CNTN5: variants seen among roughly 807,000 people sequenced by gnomAD.
The protein encoded by CNTN5 is contactin-5.
Under a neutral mutation model 129.1 loss-of-function variants are expected in CNTN5, and 77 were observed. That is an observed-to-expected ratio of 0.60 (90% CI 0.50 to 0.72). The LOEUF is 0.72. CNTN5 is among the 30% of genes least tolerant of loss of function. The probability of loss-of-function intolerance (pLI) is 0.00; values close to 1 mark genes in which losing one functional copy is unlikely to be tolerated. For synonymous variants in CNTN5, 509 were observed against 465.6 expected (o/e 1.09, Z -1.20); for missense variants, 1,478 against 1,328.8 (o/e 1.11, Z -1.75).
At chr11:99,242,647 T>C (rs991420964) in intron 1 of CNTN5, among the ~76,000 whole-genome samples, 1 of 152,106 alleles carries the variant, frequency 6.6e-6, no homozygotes, top group Admixed American at 6.5e-5. Flanking sequence ...TCCTCCCAAC[T>C]CTGGTAGTAC....
At chr11:99,545,319 G>C (rs1388249404) in intron 2 of CNTN5, among the ~76,000 whole-genome samples, 1 of 152,142 alleles carries the variant, frequency 6.6e-6, no homozygotes, top group African/African-American at 2.4e-5. Flanking sequence ...TAGCCCTGTG[G>C]TTTCGACTGC....
At chr11:99,789,084 A>C (rs923765894) in intron 3 of CNTN5, among the ~76,000 whole-genome samples, 5 of 151,948 alleles carry the variant, frequency 3.3e-5, no homozygotes, top group African/African-American at 1.2e-4. Flanking sequence ...CAAACAAAAA[A>C]AAATTATAAG....
At chr11:99,860,645 A>G (rs971397674) in intron 6 of CNTN5, among the ~76,000 whole-genome samples, 2 of 152,074 alleles carry the variant, frequency 1.3e-5, no homozygotes, top group Non-Finnish European at 2.9e-5. Context: ...TGTGTTCTCT[A>G]TTCTGTTCCA....
chr11:100,308,502 G>A (rs377366779), intron 21 of CNTN5, 34 bp downstream of exon 21: 1 of 1,583,706 alleles, frequency 6.3e-7, no homozygotes. Flanking sequence ...AAGCCTTATT[G>A]TTTCTTCTGA....
chr11:99,338,433 T>G (rs1185807625), intron 2 of CNTN5, among the ~76,000 whole-genome samples: 1 of 152,006 alleles, frequency 6.6e-6, no homozygotes, highest in Non-Finnish European at 1.5e-5. Flanking sequence ...CATTAGGGGG[T>G]TGGAACAGAA....
At chr11:100,088,627 G>T (rs1380656194) in intron 13 of CNTN5, among the ~76,000 whole-genome samples, 1 of 152,014 alleles carries the variant, frequency 6.6e-6, no homozygotes, top group Non-Finnish European at 1.5e-5. Flanking sequence ...ACACAAATCA[G>T]AATATCTAGA....
chr11:100,185,988 G>A (rs1327518050), intron 13 of CNTN5, among the ~76,000 whole-genome samples: 1 of 152,144 alleles, frequency 6.6e-6, no homozygotes, highest in African/African-American at 2.4e-5. Context: ...TAAACAGACG[G>A]TACTTCCAGG....
rs77988215 is a variant in CNTN5, at chr11:100,207,941, T to A, written c.1884+14278T>A. ...TTTAAAGTTCATTTTTGTTGCTAAC[T>A]TTTTTTGGGTTTTGCCCACATTGCT... On this transcript the variant is annotated intron_variant, in intron 15 of 24. Coordinates refer to ENST00000524871, the MANE Select transcript of CNTN5 (RefSeq NM_014361.4). Among the ~76,000 whole-genome samples, 246 of 152,288 alleles carry A rather than the reference T, an allele frequency of 1.6e-3. No homozygotes were observed. The East Asian group carries it at 0.031, about 19-fold the overall frequency.
At chr11:100,157,227 A>G (rs76655918) in intron 13 of CNTN5, among the ~76,000 whole-genome samples, 2,843 of 152,018 alleles carry the variant, frequency 0.019, 81 homozygotes, top group African/African-American at 0.065. Flanking sequence ...GAAAGAGGGA[A>G]AAAATCACAT....
At chr11:99,550,880 C>T (rs993990612) in intron 2 of CNTN5, among the ~76,000 whole-genome samples, 15 of 152,086 alleles carry the variant, frequency 9.9e-5, no homozygotes, top group African/African-American at 2.4e-4. Flanking sequence ...ATTGTAATTA[C>T]GTAAGTTAAA....
At chr11:99,615,499 C>A (rs1261141428) in intron 3 of CNTN5, among the ~76,000 whole-genome samples, 1 of 152,076 alleles carries the variant, frequency 6.6e-6, no homozygotes, top group East Asian at 1.9e-4. Flanking sequence ...ATAGTGATAT[C>A]CCTTCTTCTG....
intron 21 of CNTN5, among the ~76,000 whole-genome samples, chr11:100,332,723 A>G (rs1189723872): frequency 6.6e-6 from 1 of 152,196 alleles, no homozygotes; most frequent in Non-Finnish European, 1.5e-5. Flanking sequence ...AGACACAGAA[A>G]AAGCATTTGA....
intron 3 of CNTN5, among the ~76,000 whole-genome samples, chr11:99,778,740 A>G (rs575171852): frequency 6.6e-6 from 1 of 152,068 alleles, no homozygotes; most frequent in South Asian, 2.1e-4. Context: ...ATGTATTAAT[A>G]TTATCATCAC....
intron 3 of CNTN5, among the ~76,000 whole-genome samples, chr11:99,638,911 C>G (rs1219881149): frequency 6.6e-6 from 1 of 152,080 alleles, no homozygotes; most frequent in East Asian, 1.9e-4. Context: ...AGATGGTGGC[C>G]CTCTTCTCAC....
intron 8 of CNTN5, among the ~76,000 whole-genome samples, chr11:99,965,425 G>T (rs1297834524): frequency 6.6e-6 from 1 of 152,088 alleles, no homozygotes; most frequent in East Asian, 1.9e-4. Flanking sequence ...GTACCCAGTA[G>T]TCATTCAGGA....
chr11:99,130,341 C>T (rs1012492124), intron 1 of CNTN5, among the ~76,000 whole-genome samples: 1 of 151,998 alleles, frequency 6.6e-6, no homozygotes, highest in African/African-American at 2.4e-5. Flanking sequence ...AGACTTTAAA[C>T]CAACAAAGAT....
rs376647331 is a variant in CNTN5, at chr11:99,138,046, C to A, written c.-210+116776C>A. 3.0e-3 allele frequency among the ~76,000 whole-genome samples: 457 copies of A among 152,214 alleles called. 3 individuals carry two copies. The highest frequency in any genetic ancestry group is 0.01 in the African/African-American group (424 of 41,554). ...TAACAATTTTTCACTTTTGAGCTAG[C>A]AAAAGTTTTTAGCTGATTTCTTTTG... On this transcript the variant is annotated intron_variant, in intron 1 of 24. Coordinates refer to ENST00000524871, the MANE Select transcript of CNTN5 (RefSeq NM_014361.4).
chr11:99,960,359 T>TTC (rs144324717), intron 8 of CNTN5, among the ~76,000 whole-genome samples: 33,062 of 149,098 alleles, frequency 0.22, 3,841 homozygotes, highest in African/African-American at 0.3. Context: ...TACTTTTATG[T>TTC]TTTTTTTCTT....
chr11:100,035,146 G>A (rs527652126), intron 9 of CNTN5, among the ~76,000 whole-genome samples: 10 of 149,466 alleles, frequency 6.7e-5, no homozygotes, highest in South Asian at 4.3e-4. Flanking sequence ...AACAGTCCCC[G>A]ATGTGTGATG....
Sources: gnomAD v4.1 joint callset for allele counts (sites outside exome capture counted in the v4.1 genomes callset) on GRCh38, gnomAD v4.1.1 for gene constraint, MANE v1.5 for transcripts, NCBI Gene and HGNC (gene_info 2026-07-23, HGNC 2026-07-21) for gene names.